ZBTB11: variants seen among roughly 807,000 people sequenced by gnomAD.
ZBTB11 encodes zinc finger and BTB domain-containing protein 11.
In ZBTB11, 68 loss-of-function variants were observed where a neutral mutation model predicts 113.1. That is an observed-to-expected ratio of 0.60 (90% CI 0.49 to 0.74). The LOEUF (loss-of-function observed/expected upper bound fraction) is 0.74, where lower values mean the gene tolerates loss of function less well. Ranked by LOEUF, ZBTB11 falls within the 30% of genes least tolerant of loss-of-function variation. The pLI is 0.00. For synonymous variants in ZBTB11, 518 were observed against 452.6 expected (o/e 1.14, Z -1.83); for missense variants, 1,104 against 1,279.4 (o/e 0.86, Z 2.09).
Position 101,651,109 on chromosome 3 carries a change from T to C in ZBTB11, c.*57A>G, listed in dbSNP as rs966400515. The C allele has an allele frequency of 1.1e-5, 17 of 1,487,232 alleles. No homozygotes were observed. The African/African-American group carries it at 1.7e-4, about 15-fold the overall frequency. The allele number at this position is 1,487,232 out of a possible 1,614,324, so 92.1% of individuals were successfully genotyped here. ...ACAGTCACACAGAATTGTAAACAAA[T>C]GTTCTGTGAGTTCAGTGTACAAGAG... On this transcript the variant is annotated 3_prime_UTR_variant, in exon 11 of 11. Transcript: ENST00000312938.
At chr3:101,674,189 G>A (rs894393477) in intron 1 of ZBTB11, among the ~76,000 whole-genome samples, 3 of 151,872 alleles carry the variant, frequency 2.0e-5, no homozygotes, top group African/African-American at 7.3e-5. Context: ...GGAGGCACGC[G>A]CCTGTAGTCC....
chr3:101,664,398 T>C, intron 5 of ZBTB11, 140 bp downstream of exon 5: 1 of 771,542 alleles, frequency 1.3e-6, no homozygotes, highest in Non-Finnish European at 1.9e-6. Context: ...GGCAAGTAAA[T>C]GACATGCACA....
intron 3 of ZBTB11, among the ~76,000 whole-genome samples, chr3:101,668,089 A>C (rs975876596): frequency 2.0e-5 from 3 of 152,132 alleles, no homozygotes; most frequent in Non-Finnish European, 4.4e-5. Context: ...CATGCTAAGT[A>C]AGTCAAGGAC....
At chr3:101,658,533 AT>A (rs1936836472) in intron 6 of ZBTB11, among the ~76,000 whole-genome samples, 1 of 151,102 alleles carries the variant, frequency 6.6e-6, no homozygotes, top group Non-Finnish European at 1.5e-5. Context: ...CAATTAATTA[AT>A]TTTTTTGAGA....
chr3:101,666,724 C>A (rs2108324578), intron 3 of ZBTB11, among the ~76,000 whole-genome samples: 1 of 152,118 alleles, frequency 6.6e-6, no homozygotes, highest in South Asian at 2.1e-4. Context: ...CATTATACAG[C>A]CAAGCCAATA....
chr3:101,663,234 A>G (rs1368121074), intron 5 of ZBTB11, among the ~76,000 whole-genome samples: 1 of 151,870 alleles, frequency 6.6e-6, no homozygotes, highest in Non-Finnish European at 1.5e-5. Context: ...CACCGCACCC[A>G]GCCAATTTTT....
intron 5 of ZBTB11, chr3:101,662,175 T>A (rs1449301976): frequency 6.6e-6 from 1 of 150,620 alleles, no homozygotes; most frequent in Non-Finnish European, 1.5e-5. Context: ...AATATGACAT[T>A]TAAAAATTTT....
chr3:101,650,035 A>G lies in ZBTB11; in HGVS notation c.*1131T>C, dbSNP rs1936670858. On this transcript the variant is annotated 3_prime_UTR_variant, in exon 11 of 11. Transcript: ENST00000312938. ...TGGGATTTAAAAATCAAACATATGA[A>G]TTAATATAACTTAGTTTTCATAACC... The G allele has an allele frequency of 6.6e-6, 1 of 152,540 alleles. No individual in the cohort carries two copies. The highest frequency in any genetic ancestry group is 6.5e-5 in the Admixed American group (1 of 15,284). The allele number at this position is 152,540 out of a possible 1,614,324, so 9.4% of individuals were successfully genotyped here. A position where few individuals can be genotyped will look rare whatever the true frequency, so the allele number is the denominator to read the frequency against.
intron 3 of ZBTB11, among the ~76,000 whole-genome samples, chr3:101,667,873 A>C (rs1189496090): frequency 6.6e-6 from 1 of 152,206 alleles, no homozygotes; most frequent in Non-Finnish European, 1.5e-5. Flanking sequence ...GTATCTACCC[A>C]AAGAAAAGAA....
At chr3:101,668,470 A>G (rs928464970) in intron 3 of ZBTB11, among the ~76,000 whole-genome samples, 50 of 152,092 alleles carry the variant, frequency 3.3e-4, no homozygotes, top group Admixed American at 3.2e-3. Context: ...TCTATAAACA[A>G]ATGAAAAAAT....
chr3:101,671,320 A>G lies in ZBTB11; in HGVS notation c.588T>C (p.His196=). 6.2e-7 allele frequency: 1 copy of G among 1,614,184 alleles called. No individual in the cohort carries two copies. Among genetic ancestry groups the G allele is most frequent in the East Asian group, 2.2e-5 (1 of 44,874 alleles). Residue 196 remains histidine, a synonymous_variant, in exon 3 of 11, where the codon CAT becomes CAC. Coordinates refer to ENST00000312938, the MANE Select transcript of ZBTB11 (RefSeq NM_014415.4). Reference sequence around the variant, plus strand: ...TCAGCTGTTTTAAGACAGCCTGACAATGTTTTGGAGAAGAACGTTTTACCA... The same window carrying G: ...TCAGCTGTTTTAAGACAGCCTGACAGTGTTTTGGAGAAGAACGTTTTACCA... ...KGVVKRSSPK[H]CQAVLKQLNE...
chr3:101,662,942 CTTTT>C (rs1180624432), intron 5 of ZBTB11, among the ~76,000 whole-genome samples: 1 of 139,412 alleles, frequency 7.2e-6, no homozygotes, highest in Non-Finnish European at 1.6e-5. Context: ...TTTTGTATTT[CTTTT>C]TTTTTTTTTT....
At chr3:101,671,889 T>C (rs1250311848) in intron 2 of ZBTB11, 89 bp downstream of exon 2, 1 of 977,302 alleles carries the variant, frequency 1.0e-6, no homozygotes, top group South Asian at 1.3e-5. Flanking sequence ...ATAAGCAGTC[T>C]TAGTGGTTTG....
At chr3:101,674,415 A>C (rs919841746) in intron 1 of ZBTB11, among the ~76,000 whole-genome samples, 1 of 151,814 alleles carries the variant, frequency 6.6e-6, no homozygotes, top group East Asian at 1.9e-4. Flanking sequence ...TTAGAGACCA[A>C]AAGAGGTTGT....
chr3:101,660,443 G>A (rs1936869210), intron 5 of ZBTB11, among the ~76,000 whole-genome samples: 1 of 152,074 alleles, frequency 6.6e-6, no homozygotes, highest in African/African-American at 2.4e-5. Context: ...AAAAATCTTT[G>A]ATTTTTAAAA....
intron 6 of ZBTB11, among the ~76,000 whole-genome samples, chr3:101,658,424 T>C (rs1936834014): frequency 1.3e-5 from 2 of 151,900 alleles, no homozygotes; most frequent in Admixed American, 1.3e-4. Flanking sequence ...ATGGCCAGGA[T>C]TGTTAGCCAG....
In ZBTB11 at chr3:101,676,648, C is replaced by G; in HGVS notation, c.267G>C (p.Arg89=). The G allele has an allele frequency of 1.3e-6, 2 of 1,565,228 alleles. No individual in the cohort carries two copies. The highest frequency in any genetic ancestry group is 1.7e-6 in the Non-Finnish European group (2 of 1,153,716). Residue 89 remains arginine (R), a synonymous_variant, in exon 1 of 11, where the codon CGG becomes CGC. Transcript: ENST00000312938. The stretch of plus-strand genomic sequence containing the variant: ...TGGACAAGTAGTGCCAGGTCTGATG[C>G]CGGGTGTGGTGAGTGCCGCCGGGAC... ...HLGPGGTHHT[R]HQTWHYLSKT...
chr3:101,664,472 T>A (rs2108322640), intron 5 of ZBTB11, 66 bp downstream of exon 5: 2 of 1,440,766 alleles, frequency 1.4e-6, no homozygotes, highest in South Asian at 1.4e-5. Context: ...AAGATAACCA[T>A]GCAGTAAGTT....
rs1221686723 is a variant in ZBTB11, at chr3:101,665,563, G to A, written c.1024C>T (p.Pro342Ser). 1 of 1,614,080 alleles carries A rather than the reference G, an allele frequency of 6.2e-7. No homozygotes were observed. Among genetic ancestry groups the A allele is most frequent in the Admixed American group, 1.7e-5 (1 of 60,000 alleles). ...GTTCCCTCACTGCTAGCAACAGGAG[G>A]TGCTGTACCTCCATTCTGTACTCGT... ...DLRVQNGGTA[P>S]PVASSEGTTT... Residue 342 changes from proline (P) to serine (S), a missense_variant, in exon 4 of 11, where the codon CCT becomes TCT. Transcript: ENST00000312938.
Sources: allele counts gnomAD v4.1 joint callset (sites outside exome capture counted in the v4.1 genomes callset), GRCh38; gene constraint gnomAD v4.1.1; transcripts MANE v1.5; gene names NCBI Gene and HGNC (gene_info 2026-07-23, HGNC 2026-07-21).